The following EMG1 variants were observed in gnomAD, a reference collection of about 807,000 sequenced individuals.
EMG1 encodes the protein ribosomal RNA small subunit methyltransferase NEP1.
Under a neutral mutation model 26.9 loss-of-function variants are expected in EMG1, and 24 were observed. The observed-to-expected ratio is 0.89, with a 90% CI of 0.65 to 1.26. EMG1 has a LOEUF of 1.26. Ranked by LOEUF, EMG1 falls within the 50% of genes most tolerant of loss-of-function variation. EMG1 has a pLI of 0.00. For missense variants in EMG1, 299 were observed against 307.6 expected, an observed-to-expected ratio of 0.97 and a Z score of 0.21; for synonymous variants, 140 against 112.6, an observed-to-expected ratio of 1.24 and a Z score of -1.54.
chr12:6,982,763 G>A (rs782046379), downstream of EMG1: 11 of 1,613,446 alleles, frequency 6.8e-6, no homozygotes, highest in Non-Finnish European at 9.3e-6. Context: ...TACACAGCAG[G>A]GAGTGGTAGA....
chr12:6,973,100 A>G (rs1044913501), intron 1 of EMG1, among the ~76,000 whole-genome samples: 1 of 150,972 alleles, frequency 6.6e-6, no homozygotes, highest in Non-Finnish European at 1.5e-5. Context: ...TCGGCCTCCT[A>G]AAGTGTTGGG....
Position 6,971,024 on chromosome 12 carries a change from C to G in EMG1, c.101C>G (p.Ala34Gly), listed in dbSNP as rs11064480. ...CCACCCAAGCGGCCCCGACTAGGGG[C>G]AGGAAACAAGATCGGAGGCCGTAGG... ...ALPPKRPRLG[A>G]GNKIGGRRLI... Residue 34 changes from alanine (A) to glycine (G), a missense_variant, in exon 1 of 6, where the codon GCA (alanine) becomes GGA (glycine). Physicochemically the swap from Ala to Gly is moderately conservative, Grantham distance 60 (BLOSUM62 0). Coordinates refer to ENST00000599672, the MANE Select transcript of EMG1 (RefSeq NM_006331.8). 0.037 allele frequency: 59,223 copies of G among 1,611,376 alleles called. 1,281 individuals are homozygous for G. The highest frequency in any genetic ancestry group is 0.042 in the Non-Finnish European group (49,100 of 1,178,638).
At chr12:6,995,137 A>G (rs1361049172) in intron 7 of EMG1, among the ~76,000 whole-genome samples, 1 of 146,432 alleles carries the variant, frequency 6.8e-6, no homozygotes, top group Non-Finnish European at 1.5e-5. Flanking sequence ...TTTTTTTTTT[A>G]AATTAACAGT....
chr12:6,975,854 T>A lies in EMG1; in HGVS notation c.*45T>A, dbSNP rs782475216. ...GAAACCAGAAACTGTTGATGTCACA[T>A]CCTTTGACCCTGGTCTGAGCTGACT... On this transcript the variant is annotated 3_prime_UTR_variant, in exon 6 of 6. Coordinates refer to ENST00000599672, the MANE Select transcript of EMG1 (RefSeq NM_006331.8). 1 of 1,136,554 alleles carries A rather than the reference T, an allele frequency of 8.8e-7. No individual in the cohort carries two copies. Among genetic ancestry groups the A allele is most frequent in the East Asian group, 2.3e-5 (1 of 42,744 alleles). The allele number at this position is 1,136,554 out of a possible 1,614,324, so 70.4% of individuals were successfully genotyped here.
chr12:6,977,117 T>C lies in EMG1; in HGVS notation c.*1308T>C, dbSNP rs782288020. 7.0e-7 allele frequency: 1 copy of C among 1,426,362 alleles called. No homozygotes were observed. Among genetic ancestry groups the C allele is most frequent in the Non-Finnish European group, 9.9e-7 (1 of 1,009,742 alleles). 88.4% of individuals were successfully genotyped at this position (1,426,362 alleles called of 1,614,324 possible). On this transcript the variant is annotated 3_prime_UTR_variant, in exon 6 of 6. Coordinates refer to ENST00000599672, the MANE Select transcript of EMG1 (RefSeq NM_006331.8). This position sits in a 1 kb window ranked among gnomAD's most constrained non-coding sequence, Gnocchi z 4.5. ...CTGTAACCTGGTGGTAGTTTTAGTT[T>C]AGCTGTATTAACTTACCAGGGAAAT...
downstream of EMG1, chr12:6,980,740 A>G: frequency 3.3e-6 from 1 of 303,988 alleles, no homozygotes; most frequent in Non-Finnish European, 6.0e-6. Flanking sequence ...TAGGCTTTAA[A>G]GGCAGAAATG....
chr12:6,985,861 G>A (rs1946520613), intron 6 of EMG1, among the ~76,000 whole-genome samples: 3 of 148,090 alleles, frequency 2.0e-5, no homozygotes, highest in South Asian at 4.4e-4. Flanking sequence ...TGCAACCTCC[G>A]GCCCCTAGGT....
At chr12:6,982,961 G>A, downstream of EMG1, 2 of 672,050 alleles carry the variant, frequency 3.0e-6, no homozygotes, top group South Asian at 1.6e-5. Context: ...GATTATTAGG[G>A]TGTTATTTTA....
chr12:6,984,782 A>T (rs1213483318), downstream of EMG1, among the ~76,000 whole-genome samples: 1 of 151,746 alleles, frequency 6.6e-6, no homozygotes, highest in Non-Finnish European at 1.5e-5. Context: ...ATGAGTTCTC[A>T]CTATGTTGCC....
downstream of EMG1, chr12:6,983,299 C>T (rs1946488934): frequency 4.5e-6 from 3 of 667,542 alleles, no homozygotes; most frequent in East Asian, 7.8e-5. Flanking sequence ...TGTTCCTCTT[C>T]ATACAACCCT....
At chr12:6,985,208 G>A (rs1470875651) in intron 6 of EMG1, among the ~76,000 whole-genome samples, 2 of 151,412 alleles carry the variant, frequency 1.3e-5, no homozygotes, top group Non-Finnish European at 1.5e-5. Flanking sequence ...TGGCTAACAC[G>A]GTGAAACCCC....
In EMG1 at chr12:6,978,234, C is replaced by T. The variant is rs1170500689; in HGVS notation, c.*2425C>T. On this transcript the variant is annotated 3_prime_UTR_variant, in exon 6 of 6. Coordinates refer to ENST00000599672, the MANE Select transcript of EMG1 (RefSeq NM_006331.8). ...CAGTGTGAGCGACAGGGGGTTCTGC[C>T]CAGATGGGAAAGACGCATAGGGGTG... 12 of 1,346,962 alleles carry T rather than the reference C, an allele frequency of 8.9e-6. No individual in the cohort carries two copies. The Admixed American group carries it at 2.8e-4, about 31-fold the overall frequency. The allele number at this position is 1,346,962 out of a possible 1,614,324, so 83.4% of individuals were successfully genotyped here.
At chr12:6,985,835 G>A (rs1300373909) in intron 6 of EMG1, among the ~76,000 whole-genome samples, 7 of 148,014 alleles carry the variant, frequency 4.7e-5, no homozygotes, top group African/African-American at 1.0e-4. Context: ...GCAATGGCAC[G>A]ATCTTGGCAG....
rs1555152708 is a variant in EMG1, at chr12:6,974,396, A to G, written c.226A>G (p.Asn76Asp). 1 of 1,613,874 alleles carries G rather than the reference A, an allele frequency of 6.2e-7. No individual in the cohort carries two copies. Among genetic ancestry groups the G allele is most frequent in the Admixed American group, 1.7e-5 (1 of 59,996 alleles). The change falls in exon 2 of 6, where the codon AAT (asparagine) becomes GAT (aspartate). Residue 76 changes from asparagine (N) to aspartate (D), a missense_variant. By Grantham distance (23) the Asn-to-Asp change is conservative. Transcript: ENST00000599672. The part of the protein sequence containing the change: ...CDKHKSILLK[N>D]GRDPGEARPD... ...CAAGCACAAGTCTATATTGTTGAAG[A>G]ATGGACGGGACCCTGGGGAAGCGCG...
In EMG1 at chr12:6,971,033, A is replaced by G; in HGVS notation, c.110A>G (p.Lys37Arg). The G allele has an allele frequency of 1.2e-6, 2 of 1,611,866 alleles. No homozygotes were observed. The highest frequency in any genetic ancestry group is 1.7e-6 in the Non-Finnish European group (2 of 1,178,952). ...PKRPRLGAGN[K>R]IGGRRLIVVL... ...CGGCCCCGACTAGGGGCAGGAAACAAGATCGGAGGCCGTAGGCTTATTGTG... is the reference window on the plus strand; with the variant it reads ...CGGCCCCGACTAGGGGCAGGAAACAGGATCGGAGGCCGTAGGCTTATTGTG... The change falls in exon 1 of 6, where the codon AAG becomes AGG. Residue 37 changes from lysine to arginine, a missense_variant. Transcript: ENST00000599672.
Position 6,979,041 on chromosome 12 carries a change from A to G in EMG1, c.*3232A>G. The G allele has an allele frequency of 3.3e-6, 1 of 307,404 alleles. No individual in the cohort carries two copies. The highest frequency in any genetic ancestry group is 6.9e-5 in the East Asian group (1 of 14,488). 19.0% of individuals were successfully genotyped at this position (307,404 alleles called of 1,614,324 possible). On this transcript the variant is annotated 3_prime_UTR_variant, in exon 6 of 6. Coordinates refer to ENST00000599672, the MANE Select transcript of EMG1 (RefSeq NM_006331.8). ...TAAGGAGAGAAACCTGCCCAGAATT[A>G]CTGAACTGTTTTCAAGCCTTTCAGC...
chr12:6,993,791 T>G (rs1946610267), intron 7 of EMG1, among the ~76,000 whole-genome samples: 1 of 152,200 alleles, frequency 6.6e-6, no homozygotes, highest in African/African-American at 2.4e-5. Context: ...TTTAAAAATT[T>G]TTTATAGACA....
chr12:6,977,155 C>G lies in EMG1; in HGVS notation c.*1346C>G, dbSNP rs1405137368. 7 of 1,602,018 alleles carry G rather than the reference C, an allele frequency of 4.4e-6. No homozygotes were observed. The African/African-American group carries it at 9.4e-5, about 21-fold the overall frequency. On this transcript the variant is annotated 3_prime_UTR_variant, in exon 6 of 6. Coordinates refer to ENST00000599672, the MANE Select transcript of EMG1 (RefSeq NM_006331.8). This position sits in a 1 kb window ranked among gnomAD's most constrained non-coding sequence, Gnocchi z 4.5. ...TTACCAGGGAAATGGATTATTCCAT[C>G]TTCTTTAACTTCTCTTTCCTTGGCA...
chr12:6,994,753 C>A (rs1400645248), intron 7 of EMG1, among the ~76,000 whole-genome samples: 1 of 152,180 alleles, frequency 6.6e-6, no homozygotes, highest in Admixed American at 6.5e-5. Flanking sequence ...CTGTGCTTGG[C>A]CAATGTTCAC....
Sources: gnomAD v4.1 joint callset for allele counts (sites outside exome capture counted in the v4.1 genomes callset) on GRCh38, gnomAD v4.1.1 for gene constraint, Gnocchi (gnomAD v3.1) non-coding constraint, MANE v1.5 for transcripts, NCBI Gene and HGNC (gene_info 2026-07-23, HGNC 2026-07-21) for gene names.